The following MNAT1 variants were observed in gnomAD, a reference collection of about 807,000 sequenced individuals.
The protein encoded by MNAT1 is CDK-activating kinase assembly factor MAT1.
MNAT1 carries 43 observed loss-of-function variants against 42.0 expected under a neutral mutation model. The observed-to-expected ratio is 1.02, with a 90% confidence interval of 0.80 to 1.32. MNAT1 has a LOEUF of 1.32. Among genes scored for constraint, MNAT1 ranks in the 40% most tolerant of loss-of-function variants. The pLI is 0.00. For missense variants in MNAT1, 306 were observed against 350.4 expected (o/e 0.87, Z 1.01); for synonymous variants, 118 against 120.0 (o/e 0.98, Z 0.11).
intron 5 of MNAT1, among the ~76,000 whole-genome samples, chr14:60,814,372 A>G (rs2032647083): frequency 6.6e-6 from 1 of 152,136 alleles, no homozygotes; most frequent in Admixed American, 6.5e-5. Context: ...ACCCTGTATG[A>G]TATTGATGAC....
chr14:60,880,843 T>C (rs1471979841), intron 7 of MNAT1, among the ~76,000 whole-genome samples: 1 of 152,196 alleles, frequency 6.6e-6, no homozygotes, highest in Non-Finnish European at 1.5e-5. Flanking sequence ...CAACAGGATG[T>C]AAAACAACCT....
chr14:60,850,708 C>T (rs2033802489), intron 6 of MNAT1, among the ~76,000 whole-genome samples: 1 of 151,980 alleles, frequency 6.6e-6, no homozygotes, highest in South Asian at 2.1e-4. Context: ...TTGTCAAATG[C>T]AAAGATGAGT....
intron 1 of MNAT1, among the ~76,000 whole-genome samples, chr14:60,756,534 A>T (rs1191850624): frequency 6.6e-6 from 1 of 152,186 alleles, no homozygotes. Flanking sequence ...TGTCTTATGG[A>T]TTGCTTACCA....
At chr14:60,874,699 G>T (rs2034400179) in intron 6 of MNAT1, among the ~76,000 whole-genome samples, 1 of 151,896 alleles carries the variant, frequency 6.6e-6, no homozygotes, top group African/African-American at 2.4e-5. Context: ...CATGCACTTT[G>T]AGTTCTTTAA....
intron 7 of MNAT1, among the ~76,000 whole-genome samples, chr14:60,916,548 A>G (rs1424805531): frequency 1.3e-5 from 2 of 152,326 alleles, no homozygotes; most frequent in Non-Finnish European, 2.9e-5. Context: ...CCAGCTACCC[A>G]GGAGGCTGAG....
At position 60,948,684 on chromosome 14, in the gene MNAT1, A is replaced by C. The variant is rs2036327347; in HGVS notation, c.810-19545A>C. Among the ~76,000 whole-genome samples, 7 of 152,216 alleles carry C rather than the reference A, an allele frequency of 4.6e-5. 1 individual carries two copies. The South Asian group carries it at 1.5e-3, about 32-fold the overall frequency. ...GGTTTATTTTTATGTTTTTCTTCCT[A>C]TTAGACTTATATCTCCTAGAAAACA... On this transcript the variant is annotated intron_variant, in intron 7 of 7. Transcript: ENST00000261245.
chr14:60,802,108 C>A (rs1483080030), intron 3 of MNAT1, among the ~76,000 whole-genome samples: 1 of 152,004 alleles, frequency 6.6e-6, no homozygotes, highest in Non-Finnish European at 1.5e-5. Context: ...ATGGTGGCTA[C>A]CAGAGGCTGT....
intron 1 of MNAT1, among the ~76,000 whole-genome samples, chr14:60,768,502 A>C (rs984692343): frequency 6.6e-6 from 1 of 152,226 alleles, no homozygotes; most frequent in Non-Finnish European, 1.5e-5. Context: ...GGATTTTTCT[A>C]ACCTTTCTTT....
intron 6 of MNAT1, among the ~76,000 whole-genome samples, chr14:60,840,754 C>A (rs768553916): frequency 4.6e-5 from 7 of 152,100 alleles, no homozygotes; most frequent in Admixed American, 2.6e-4. Flanking sequence ...ACCTCTGCCT[C>A]CTGGGTTCAA....
rs114908653 is a variant in MNAT1 at position 60,856,032 on chromosome 14, G to T, written c.688-23682G>T. On this transcript the variant is annotated intron_variant, in intron 6 of 7. Coordinates refer to ENST00000261245, the MANE Select transcript of MNAT1 (RefSeq NM_002431.4). Reference sequence around the variant, plus strand: ...CCTACAGTGTCCTCTAAGTGTTCAAGTGAAGAGAACAGTCACATATGTCTG... The same window carrying T: ...CCTACAGTGTCCTCTAAGTGTTCAATTGAAGAGAACAGTCACATATGTCTG... 4.5e-3 allele frequency among the ~76,000 whole-genome samples: 691 copies of T among 152,224 alleles called. 1 individual carries two copies. The highest frequency in any genetic ancestry group is 0.016 in the African/African-American group (663 of 41,538).
At chr14:60,832,535 A>G (rs2033256034) in intron 6 of MNAT1, among the ~76,000 whole-genome samples, 3 of 152,034 alleles carry the variant, frequency 2.0e-5, no homozygotes, top group Admixed American at 6.5e-5. Context: ...TCATTGGTCT[A>G]TATATCTGTT....
At chr14:60,904,255 C>G (rs1250936310) in intron 7 of MNAT1, among the ~76,000 whole-genome samples, 1 of 152,180 alleles carries the variant, frequency 6.6e-6, no homozygotes, top group Non-Finnish European at 1.5e-5. Flanking sequence ...CACAAAAAAA[C>G]TGCAATATGC....
At chr14:60,742,934 A>T (rs1273469830) in intron 1 of MNAT1, among the ~76,000 whole-genome samples, 1 of 152,212 alleles carries the variant, frequency 6.6e-6, no homozygotes, top group Non-Finnish European at 1.5e-5. Context: ...TTTGGCTGTT[A>T]TGAATAATGC....
chr14:60,912,288 G>A (rs1350553708), intron 7 of MNAT1, among the ~76,000 whole-genome samples: 1 of 152,006 alleles, frequency 6.6e-6, no homozygotes, highest in Non-Finnish European at 1.5e-5. Flanking sequence ...TTGCCAGTGT[G>A]TGTCTTTTAA....
At chr14:60,909,998 A>G (rs944745668) in intron 7 of MNAT1, among the ~76,000 whole-genome samples, 2 of 152,088 alleles carry the variant, frequency 1.3e-5, no homozygotes, top group Admixed American at 1.3e-4. Context: ...CTTTTATTTC[A>G]CTGAGCAGTG....
chr14:60,909,805 G>A (rs1392029639), intron 7 of MNAT1, among the ~76,000 whole-genome samples: 2 of 151,986 alleles, frequency 1.3e-5, no homozygotes, highest in African/African-American at 2.4e-5. Context: ...TTGGCGATGC[G>A]GGCTCTTTTT....
intron 3 of MNAT1, among the ~76,000 whole-genome samples, chr14:60,800,914 G>T (rs960777426): frequency 6.6e-6 from 1 of 152,104 alleles, no homozygotes; most frequent in African/African-American, 2.4e-5. Flanking sequence ...CTGCTTTATG[G>T]ATGGGGATAT....
chr14:60,912,222 C>G (rs1594863865), intron 7 of MNAT1, among the ~76,000 whole-genome samples: 1 of 152,154 alleles, frequency 6.6e-6, no homozygotes, highest in East Asian at 1.9e-4. Flanking sequence ...TGTCTGTGCA[C>G]ATGAGATGGG....
At chr14:60,933,556 A>G (rs1242386627) in intron 7 of MNAT1, among the ~76,000 whole-genome samples, 2 of 152,162 alleles carry the variant, frequency 1.3e-5, no homozygotes, top group Non-Finnish European at 2.9e-5. Context: ...AAGGGAGTAC[A>G]TGATTGACAA....
Sources: gnomAD v4.1 joint callset for allele counts (sites outside exome capture counted in the v4.1 genomes callset) on GRCh38, gnomAD v4.1.1 for gene constraint, MANE v1.5 for transcripts, NCBI Gene and HGNC (gene_info 2026-07-23, HGNC 2026-07-21) for gene names.